The following HIBADH variants were observed in gnomAD, a reference collection of about 807,000 sequenced individuals.
The protein encoded by HIBADH is 3-hydroxyisobutyrate dehydrogenase.
A neutral mutation model predicts 36.1 loss-of-function variants in HIBADH; 25 were observed. The observed-to-expected ratio is 0.69, with a 90% confidence interval of 0.50 to 0.97. The LOEUF is 0.97. Ranked by LOEUF, HIBADH falls within the 50% of genes least tolerant of loss-of-function variation. HIBADH has a pLI of 0.00. For synonymous variants in HIBADH, 160 were observed against 149.5 expected, an observed-to-expected ratio of 1.07 and a Z score of -0.51; for missense variants, 421 against 418.0, an observed-to-expected ratio of 1.01 and a Z score of -0.06.
At chr7:27,576,268 G>A (rs1028663473) in intron 4 of HIBADH, among the ~76,000 whole-genome samples, 2 of 152,012 alleles carry the variant, frequency 1.3e-5, no homozygotes, top group Non-Finnish European at 2.9e-5. Context: ...ATGTGGAGGC[G>A]GTAACAAGGT....
In HIBADH at chr7:27,542,959, A is replaced by AATCTT. The variant is rs1784178009; in HGVS notation, c.618+3_618+7dup. On this transcript the variant is annotated splice_region_variant and intron_variant, in intron 5 of 7. Transcript: ENST00000265395. ...ATCAAGTCAAGGTCATTAATGTAAA[A>AATCTT]ATCTTACCTGCCCAGTCCCAACAGC... The AATCTT allele has an allele frequency of 6.2e-7, 1 of 1,611,824 alleles. No individual in the cohort carries two copies. The highest frequency in any genetic ancestry group is 2.2e-5 in the East Asian group (1 of 44,822).
intron 5 of HIBADH, among the ~76,000 whole-genome samples, chr7:27,542,517 C>G (rs551018597): frequency 2.9e-5 from 4 of 137,106 alleles, no homozygotes; most frequent in Non-Finnish European, 6.1e-5. Context: ...TCTATCATGG[C>G]TCACTGCAGC....
chr7:27,530,768 T>C (rs568771506), intron 7 of HIBADH, among the ~76,000 whole-genome samples: 18 of 152,294 alleles, frequency 1.2e-4, no homozygotes, highest in Non-Finnish European at 2.1e-4. Flanking sequence ...TATTTGGAAA[T>C]CTATTATCAA....
At chr7:27,583,654 A>C (rs1346748942) in intron 4 of HIBADH, among the ~76,000 whole-genome samples, 2 of 151,986 alleles carry the variant, frequency 1.3e-5, no homozygotes, top group African/African-American at 4.8e-5. Context: ...TAATTTAATC[A>C]ATTCTCCCTT....
chr7:27,613,005 T>C (rs1211482381), intron 4 of HIBADH, among the ~76,000 whole-genome samples: 2 of 137,098 alleles, frequency 1.5e-5, no homozygotes, highest in South Asian at 2.1e-4. Context: ...ATAGGATATA[T>C]ATATCCAAAA....
At chr7:27,591,333 C>T (rs751236511) in intron 4 of HIBADH, among the ~76,000 whole-genome samples, 56 of 152,008 alleles carry the variant, frequency 3.7e-4, no homozygotes, top group Non-Finnish European at 6.2e-4. Flanking sequence ...AGGCGGATCA[C>T]GAGGTCAGGA....
intron 4 of HIBADH, 115 bp from the exon 5 acceptor site, chr7:27,543,215 T>C (rs1784185365): frequency 1.9e-6 from 2 of 1,031,138 alleles, no homozygotes; most frequent in Non-Finnish European, 2.8e-6. Flanking sequence ...AATCTGTATT[T>C]ATGCCAGGCA....
chr7:27,643,385 C>T (rs927804499), intron 2 of HIBADH, among the ~76,000 whole-genome samples: 2 of 152,192 alleles, frequency 1.3e-5, no homozygotes, highest in African/African-American at 2.4e-5. Context: ...AACTAAGGCA[C>T]ACAGAAACTA....
At chr7:27,529,403 T>G (rs1196377444) in intron 7 of HIBADH, among the ~76,000 whole-genome samples, 1 of 152,170 alleles carries the variant, frequency 6.6e-6, no homozygotes, top group African/African-American at 2.4e-5. Context: ...TATTTGTGAT[T>G]CATGGGAGGA....
intron 4 of HIBADH, among the ~76,000 whole-genome samples, chr7:27,573,206 C>A (rs1210309981): frequency 1.3e-5 from 2 of 152,290 alleles, no homozygotes; most frequent in African/African-American, 4.8e-5. Context: ...ACATGCCATG[C>A]CCTTTTCTAA....
intron 4 of HIBADH, among the ~76,000 whole-genome samples, chr7:27,571,534 T>C: frequency 6.6e-6 from 1 of 152,212 alleles, no homozygotes; most frequent in African/African-American, 2.4e-5. Flanking sequence ...TATCTTTTAT[T>C]TCTTTAAATG....
intron 4 of HIBADH, among the ~76,000 whole-genome samples, chr7:27,576,253 T>C (rs1014964398): frequency 6.6e-6 from 1 of 152,176 alleles, no homozygotes; most frequent in Non-Finnish European, 1.5e-5. Context: ...CCAAAAACTG[T>C]GTGGATGTGG....
chr7:27,573,486 G>C (rs1784658499), intron 4 of HIBADH, among the ~76,000 whole-genome samples: 1 of 152,194 alleles, frequency 6.6e-6, no homozygotes, highest in African/African-American at 2.4e-5. Context: ...TGAGCTTCTT[G>C]AGAGCAAAGA....
chr7:27,599,680 C>CA (rs3072889), intron 4 of HIBADH, among the ~76,000 whole-genome samples: 9,274 of 40,608 alleles, frequency 0.23, 1,480 homozygotes, highest in African/African-American at 0.34. Context: ...ACTCTGTCTC[C>CA]AAAAAAAAAA....
chr7:27,580,320 A>G (rs1292101527), intron 4 of HIBADH, among the ~76,000 whole-genome samples: 2 of 152,210 alleles, frequency 1.3e-5, no homozygotes, highest in African/African-American at 4.8e-5. Flanking sequence ...AGATCTATTC[A>G]CTTGTGAAAC....
chr7:27,591,930 G>A (rs1173723521), intron 4 of HIBADH, among the ~76,000 whole-genome samples: 2 of 152,070 alleles, frequency 1.3e-5, no homozygotes, highest in African/African-American at 4.8e-5. Flanking sequence ...CTTGTCAATC[G>A]AGCTAATCTC....
At chr7:27,635,588 A>G (rs896399558) in intron 2 of HIBADH, among the ~76,000 whole-genome samples, 8 of 152,342 alleles carry the variant, frequency 5.3e-5, no homozygotes, top group Middle Eastern at 3.4e-3. Context: ...GATATTTTTC[A>G]TATTTAGTAA....
chr7:27,559,926 C>T (rs1231446498), intron 4 of HIBADH, among the ~76,000 whole-genome samples: 2 of 152,144 alleles, frequency 1.3e-5, no homozygotes, highest in East Asian at 1.9e-4. Context: ...AAATCAAACT[C>T]GTAAATTTCT....
At chr7:27,528,114 C>T (rs997715383) in intron 7 of HIBADH, among the ~76,000 whole-genome samples, 12 of 151,714 alleles carry the variant, frequency 7.9e-5, no homozygotes, top group Non-Finnish European at 1.2e-4. Context: ...TGTCAGAAAG[C>T]GCACATAAGA....
Sources: gnomAD v4.1 joint callset for allele counts (sites outside exome capture counted in the v4.1 genomes callset) on GRCh38, gnomAD v4.1.1 for gene constraint, MANE v1.5 for transcripts, NCBI Gene and HGNC (gene_info 2026-07-23, HGNC 2026-07-21) for gene names.